TAPT1: variants seen among roughly 807,000 people sequenced by gnomAD.
The protein encoded by TAPT1 is transmembrane anterior posterior transformation protein 1 homolog.
A neutral mutation model predicts 65.6 loss-of-function variants in TAPT1; 28 were observed. That is an observed-to-expected ratio of 0.43 (90% CI 0.32 to 0.59). TAPT1 has a LOEUF of 0.59. TAPT1 is among the 20% of genes least tolerant of loss of function. TAPT1 has a pLI of 0.09. For synonymous variants in TAPT1, 278 were observed against 245.2 expected (o/e 1.13, Z -1.25); for missense variants, 563 against 679.9 (o/e 0.83, Z 1.91).
At position 16,162,866 on chromosome 4, in the gene TAPT1, G is replaced by A. The variant is rs7359; in HGVS notation, c.*442C>T. 0.19 allele frequency: 70,091 copies of A among 362,340 alleles called. 8,336 individuals are homozygous for A. Among genetic ancestry groups the A allele is most frequent in the African/African-American group, 0.39 (18,181 of 47,050 alleles). 22.4% of individuals were successfully genotyped at this position (362,340 alleles called of 1,614,324 possible). ...TTAATGCTTTGGCAGATGAAGTAACGTTTGAAAACTGTTTGTGAAAATAGT... is the reference window on the plus strand; with the variant it reads ...TTAATGCTTTGGCAGATGAAGTAACATTTGAAAACTGTTTGTGAAAATAGT... On this transcript the variant is annotated 3_prime_UTR_variant, in exon 14 of 14. Transcript: ENST00000405303.
chr4:16,164,500 CT>C (rs1417535401), intron 13 of TAPT1, among the ~76,000 whole-genome samples: 1 of 151,470 alleles, frequency 6.6e-6, no homozygotes, highest in Non-Finnish European at 1.5e-5. Flanking sequence ...AACATGACCC[CT>C]GAGTCAATGG....
intron 12 of TAPT1, among the ~76,000 whole-genome samples, chr4:16,169,488 GTT>G (rs1400768468): frequency 6.6e-6 from 1 of 152,202 alleles, no homozygotes; most frequent in Non-Finnish European, 1.5e-5. Context: ...AGGTCTTAAT[GTT>G]TTTTAATGTC....
intron 1 of TAPT1, among the ~76,000 whole-genome samples, chr4:16,216,981 C>T (rs1479150686): frequency 2.0e-5 from 3 of 152,216 alleles, no homozygotes; most frequent in Non-Finnish European, 4.4e-5. Context: ...ACACCTGCCT[C>T]CCCTGAATCT....
At chr4:16,215,253 T>C (rs1285415751) in intron 1 of TAPT1, among the ~76,000 whole-genome samples, 3 of 152,032 alleles carry the variant, frequency 2.0e-5, no homozygotes, top group South Asian at 2.1e-4. Context: ...ATCACGCCAC[T>C]GCACTCCAGC....
chr4:16,213,690 T>A (rs1005405558), intron 2 of TAPT1, 78 bp downstream of exon 2: 68 of 1,278,232 alleles, frequency 5.3e-5, no homozygotes, highest in Non-Finnish European at 1.8e-5. Flanking sequence ...CAACTCTAGC[T>A]GTTGACCATT....
intron 3 of TAPT1, among the ~76,000 whole-genome samples, chr4:16,199,737 A>G (rs1749923118): frequency 6.6e-6 from 1 of 152,182 alleles, no homozygotes; most frequent in African/African-American, 2.4e-5. Context: ...GACTACATGT[A>G]TGTGCCACCA....
At chr4:16,190,395 G>C (rs970152275) in intron 4 of TAPT1, 1 of 151,894 alleles carries the variant, frequency 6.6e-6, no homozygotes, top group African/African-American at 2.4e-5. Context: ...CTGGGGTGCA[G>C]TGGGACGATT....
chr4:16,185,010 T>C (rs1412955937), intron 7 of TAPT1, among the ~76,000 whole-genome samples: 1 of 152,208 alleles, frequency 6.6e-6, no homozygotes, highest in Non-Finnish European at 1.5e-5. Context: ...TAGTACTTTT[T>C]GTGTGGTCTC....
chr4:16,178,382 CAATG>C (rs774081052), intron 8 of TAPT1, among the ~76,000 whole-genome samples: 6 of 152,038 alleles, frequency 3.9e-5, no homozygotes, highest in Non-Finnish European at 8.8e-5. Flanking sequence ...TGAAAATTAC[CAATG>C]AATTAAAATA....
intron 5 of TAPT1, among the ~76,000 whole-genome samples, chr4:16,187,231 T>C (rs952355515): frequency 2.6e-5 from 4 of 152,122 alleles, no homozygotes; most frequent in Admixed American, 6.5e-5. Context: ...TAAATTATGG[T>C]AAATACTGAA....
intron 7 of TAPT1, among the ~76,000 whole-genome samples, chr4:16,185,803 T>A (rs1445721352): frequency 6.6e-6 from 1 of 152,146 alleles, no homozygotes; most frequent in Non-Finnish European, 1.5e-5. Flanking sequence ...CCCTCCTTCC[T>A]CAAGGACATC....
At chr4:16,171,456 T>C (rs1252885735) in intron 11 of TAPT1, among the ~76,000 whole-genome samples, 1 of 152,118 alleles carries the variant, frequency 6.6e-6, no homozygotes, top group Non-Finnish European at 1.5e-5. Flanking sequence ...AGTGCTGCTA[T>C]GCCCATATGT....
At chr4:16,191,002 C>A in intron 4 of TAPT1, 1 of 183,392 alleles carries the variant, frequency 5.5e-6, no homozygotes. Flanking sequence ...ACTAATTTCC[C>A]TAGCACTTGA....
At chr4:16,163,614 T>A in intron 13 of TAPT1, 77 bp from the exon 14 acceptor site, 2 of 1,223,806 alleles carry the variant, frequency 1.6e-6, no homozygotes, top group Non-Finnish European at 2.3e-6. Context: ...ACCAATACAG[T>A]GGTGCTGAAA....
chr4:16,162,959 A>G lies in TAPT1; in HGVS notation c.*349T>C, dbSNP rs1476756771. 4.3e-6 allele frequency: 2 copies of G among 468,048 alleles called. No individual in the cohort carries two copies. Among genetic ancestry groups the G allele is most frequent in the Admixed American group, 4.7e-5 (2 of 42,888 alleles). 29.0% of individuals were successfully genotyped at this position (468,048 alleles called of 1,614,324 possible). A position where few individuals can be genotyped will look rare whatever the true frequency, so the allele number is the denominator to read the frequency against. ...TTCCAGGTATTTCCTTATACTGAAGAGGCCTTGAGGCAAATTCAACATTCT... is the reference window on the plus strand; with the variant it reads ...TTCCAGGTATTTCCTTATACTGAAGGGGCCTTGAGGCAAATTCAACATTCT... On this transcript the variant is annotated 3_prime_UTR_variant, in exon 14 of 14. Coordinates refer to ENST00000405303, the MANE Select transcript of TAPT1 (RefSeq NM_153365.3).
At chr4:16,202,611 A>T in intron 2 of TAPT1, 31 bp from the exon 3 acceptor site, 1 of 1,202,616 alleles carries the variant, frequency 8.3e-7, no homozygotes. Flanking sequence ...AAGAAAAAAA[A>T]AAAGTATTTT....
intron 8 of TAPT1, chr4:16,178,945 G>A (rs1205056970): frequency 6.6e-6 from 1 of 152,200 alleles, no homozygotes; most frequent in East Asian, 1.9e-4. Context: ...AAACCGAAAG[G>A]CTCAGAGCTG....
rs756447340 is a variant in TAPT1, at chr4:16,166,640, G to A, written c.1467C>T (p.Pro489=). The change falls in exon 13 of 14, where the codon CCC becomes CCT. Residue 489 remains proline, a synonymous_variant. Coordinates refer to ENST00000405303, the MANE Select transcript of TAPT1 (RefSeq NM_153365.3). ...GAAAGGGACCAAACCTACCTTGAGAGGGTTTACATTTGTTCTGTGATTTAC... is the reference window on the plus strand; with the variant it reads ...GAAAGGGACCAAACCTACCTTGAGAAGGTTTACATTTGTTCTGTGATTTAC... ...PSSKSQNKCK[P]SQGLSTEENL... 4.3e-6 allele frequency: 7 copies of A among 1,613,924 alleles called. No individual in the cohort carries two copies. The highest frequency in any genetic ancestry group is 4.2e-6 in the Non-Finnish European group (5 of 1,179,780).
intron 13 of TAPT1, among the ~76,000 whole-genome samples, chr4:16,163,859 T>C (rs1448647724): frequency 1.3e-5 from 2 of 152,172 alleles, no homozygotes; most frequent in African/African-American, 4.8e-5. Context: ...ACATGACTGT[T>C]GGCAGTCCTG....
Sources: gnomAD v4.1 joint callset for allele counts (sites outside exome capture counted in the v4.1 genomes callset) on GRCh38, gnomAD v4.1.1 for gene constraint, MANE v1.5 for transcripts, NCBI Gene and HGNC (gene_info 2026-07-23, HGNC 2026-07-21) for gene names.